Variants in UBE2E2 observed in about 807,000 individuals in gnomAD.
UBE2E2 encodes the protein ubiquitin conjugating enzyme E2 E2, also known as ubiquitin-conjugating enzyme E2 E2.
Under a neutral mutation model 24.7 loss-of-function variants are expected in UBE2E2, and 6 were observed. The observed-to-expected ratio is 0.24, with a 90% CI of 0.13 to 0.48. The LOEUF is 0.48. Among genes scored for constraint, UBE2E2 ranks in the 20% least tolerant of loss-of-function variants. UBE2E2 has a pLI of 0.99. For synonymous variants in UBE2E2, 104 were observed against 83.6 expected, an observed-to-expected ratio of 1.24 and a Z score of -1.33; for missense variants, 169 against 245.0, an observed-to-expected ratio of 0.69 and a Z score of 2.07.
intron 5 of UBE2E2, among the ~76,000 whole-genome samples, chr3:23,580,641 A>G (rs1176040733): frequency 6.6e-6 from 1 of 152,206 alleles, no homozygotes; most frequent in East Asian, 1.9e-4. Flanking sequence ...TTTGCAGTGC[A>G]ATGATAGAGA....
intron 4 of UBE2E2, among the ~76,000 whole-genome samples, chr3:23,507,789 A>G (rs1212971903): frequency 2.0e-5 from 3 of 152,224 alleles, no homozygotes; most frequent in Admixed American, 1.3e-4. Flanking sequence ...GGGAGAGGAA[A>G]GACAGTATGA....
At chr3:23,420,130 C>A (rs1697760215) in intron 3 of UBE2E2, among the ~76,000 whole-genome samples, 1 of 152,212 alleles carries the variant, frequency 6.6e-6, no homozygotes, top group Admixed American at 6.5e-5. Flanking sequence ...CTACAGTTTT[C>A]TAACCTGAAT....
chr3:23,565,267 G>A (rs975675020), intron 5 of UBE2E2, among the ~76,000 whole-genome samples: 4 of 151,876 alleles, frequency 2.6e-5, no homozygotes, highest in East Asian at 1.9e-4. Flanking sequence ...AATAGGTCCC[G>A]GAATTAGCCA....
In UBE2E2 at chr3:23,321,864, C is replaced by T. The variant is rs1694746905; in HGVS notation, c.227+104552C>T. 2.0e-5 allele frequency among the ~76,000 whole-genome samples: 3 copies of T among 151,678 alleles called. No individual in the cohort carries two copies. In the South Asian group the frequency reaches 6.3e-4, roughly 32 times the overall value. ...CATTCTAGAAGTCTAGCCCCTTGAA[C>T]CGTTTTTAAAAGCACCACCTTCCAG... On this transcript the variant is annotated intron_variant, in intron 3 of 5. Transcript: ENST00000396703.
intron 3 of UBE2E2, among the ~76,000 whole-genome samples, chr3:23,302,441 G>C (rs1247445536): frequency 6.6e-6 from 1 of 151,758 alleles, no homozygotes. Flanking sequence ...TATTCCTTTG[G>C]CAAAAACACC....
At chr3:23,510,710 A>G (rs1390773750) in intron 4 of UBE2E2, among the ~76,000 whole-genome samples, 1 of 152,198 alleles carries the variant, frequency 6.6e-6, no homozygotes, top group African/African-American at 2.4e-5. Context: ...AATTTTTCTT[A>G]TGGTATCAGT....
chr3:23,563,786 T>G (rs1575709527), intron 5 of UBE2E2, among the ~76,000 whole-genome samples: 1 of 152,252 alleles, frequency 6.6e-6, no homozygotes, highest in Admixed American at 6.6e-5. Context: ...GATCATTTAT[T>G]CTATTAATAT....
intron 5 of UBE2E2, among the ~76,000 whole-genome samples, chr3:23,572,376 A>G (rs1696248745): frequency 6.6e-6 from 1 of 152,158 alleles, no homozygotes; most frequent in South Asian, 2.1e-4. Flanking sequence ...TTATATATGT[A>G]TGTATAATTT....
chr3:23,570,152 C>A (rs374505690), intron 5 of UBE2E2, among the ~76,000 whole-genome samples: 2 of 152,136 alleles, frequency 1.3e-5, no homozygotes, highest in Admixed American at 1.3e-4. Flanking sequence ...CTGGTACCTC[C>A]TTTTTCCCCC....
chr3:23,262,365 A>C (rs527661231), intron 3 of UBE2E2, among the ~76,000 whole-genome samples: 83 of 152,162 alleles, frequency 5.5e-4, no homozygotes, highest in Non-Finnish European at 9.0e-4. Context: ...ATTGCAGCCA[A>C]CTCCTGGGCT....
At chr3:23,430,576 T>A (rs1698037795) in intron 3 of UBE2E2, among the ~76,000 whole-genome samples, 1 of 151,894 alleles carries the variant, frequency 6.6e-6, no homozygotes, top group East Asian at 1.9e-4. Context: ...TCACCCAGAC[T>A]GAAGTGCAGT....
intron 4 of UBE2E2, among the ~76,000 whole-genome samples, chr3:23,504,990 C>T (rs901952110): frequency 3.5e-5 from 5 of 143,678 alleles, no homozygotes; most frequent in African/African-American, 1.3e-4. Context: ...CTTACTGCAA[C>T]CTCCGCCCAG....
At chr3:23,347,149 T>A (rs1381855774) in intron 3 of UBE2E2, among the ~76,000 whole-genome samples, 2 of 152,232 alleles carry the variant, frequency 1.3e-5, no homozygotes. Flanking sequence ...AGTGTGGCGA[T>A]TTCTCAAGGA....
At chr3:23,296,718 T>C (rs1449644588) in intron 3 of UBE2E2, among the ~76,000 whole-genome samples, 1 of 152,226 alleles carries the variant, frequency 6.6e-6, no homozygotes, top group East Asian at 1.9e-4. Context: ...TTGTTGGACA[T>C]TTAGGTTGGT....
chr3:23,352,560 C>T (rs1241518934), intron 3 of UBE2E2, among the ~76,000 whole-genome samples: 1 of 152,078 alleles, frequency 6.6e-6, no homozygotes, highest in Non-Finnish European at 1.5e-5. Flanking sequence ...ATATCACCAC[C>T]AATCCCACAG....
intron 3 of UBE2E2, among the ~76,000 whole-genome samples, chr3:23,365,854 T>C (rs756340639): frequency 1.3e-5 from 2 of 152,128 alleles, no homozygotes; most frequent in Non-Finnish European, 2.9e-5. Flanking sequence ...ATTACCCAAC[T>C]TCAAACTATA....
At chr3:23,373,683 A>G (rs754344183) in intron 3 of UBE2E2, among the ~76,000 whole-genome samples, 4 of 152,150 alleles carry the variant, frequency 2.6e-5, no homozygotes, top group Non-Finnish European at 5.9e-5. Flanking sequence ...TTAATATTAT[A>G]ATAGTCTACT....
intron 3 of UBE2E2, among the ~76,000 whole-genome samples, chr3:23,387,698 G>A (rs765325860): frequency 2.8e-4 from 43 of 152,182 alleles, no homozygotes; most frequent in Admixed American, 2.0e-4. Context: ...AACCGTTGAA[G>A]TGTAGGTATG....
At chr3:23,508,738 T>G (rs1694515764) in intron 4 of UBE2E2, among the ~76,000 whole-genome samples, 1 of 152,184 alleles carries the variant, frequency 6.6e-6, no homozygotes, top group Non-Finnish European at 1.5e-5. Flanking sequence ...GTGACCGCAC[T>G]CTAAATGGAA....
Sources: allele counts gnomAD v4.1 joint callset (sites outside exome capture counted in the v4.1 genomes callset), GRCh38; gene constraint gnomAD v4.1.1; transcripts MANE v1.5; gene names NCBI Gene and HGNC (gene_info 2026-07-23, HGNC 2026-07-21).